Variants in ITGA9 observed in about 807,000 individuals in gnomAD.
ITGA9 encodes integrin subunit alpha 9, also known as integrin alpha-9.
In ITGA9, 56 loss-of-function variants were observed where a neutral mutation model predicts 127.8. The ratio of observed to expected loss-of-function variants is 0.44; its 90% CI spans 0.35 to 0.55. The LOEUF (loss-of-function observed/expected upper bound fraction) is 0.55, where lower values mean the gene tolerates loss of function less well. ITGA9 is among the 20% of genes least tolerant of loss of function. ITGA9 has a pLI of 0.00. For missense variants in ITGA9, 1,196 were observed against 1,347.1 expected, an observed-to-expected ratio of 0.89 and a Z score of 1.76; for synonymous variants, 508 against 514.5, an observed-to-expected ratio of 0.99 and a Z score of 0.17.
intron 13 of ITGA9, among the ~76,000 whole-genome samples, chr3:37,528,464 C>G (rs990121668): frequency 5.3e-5 from 8 of 152,112 alleles, no homozygotes; most frequent in Non-Finnish European, 1.2e-4. Flanking sequence ...GCATGGAAGG[C>G]CCAAGAAGAG....
At chr3:37,459,677 G>A (rs1012430973) in intron 1 of ITGA9, among the ~76,000 whole-genome samples, 1 of 152,164 alleles carries the variant, frequency 6.6e-6, no homozygotes, top group African/African-American at 2.4e-5. Context: ...TATTGCCCAA[G>A]TTACATGGCT....
At chr3:37,479,300 CAATATCA>C (rs1372205571) in intron 3 of ITGA9, among the ~76,000 whole-genome samples, 1 of 152,194 alleles carries the variant, frequency 6.6e-6, no homozygotes, top group African/African-American at 2.4e-5. Flanking sequence ...TAGCACAAAA[CAATATCA>C]AGGAGAGGAG....
chr3:37,699,414 T>G lies in ITGA9; in HGVS notation c.2067+15399T>G, dbSNP rs113976275. ...TAACTCCATCCTTCTTGGCTCTCCC[T>G]TTTCTCTCATACACCACATCTATTT... On this transcript the variant is annotated intron_variant, in intron 18 of 27. Coordinates refer to ENST00000264741, the MANE Select transcript of ITGA9 (RefSeq NM_002207.3). Among the ~76,000 whole-genome samples, 562 of 152,276 alleles carry G rather than the reference T, an allele frequency of 3.7e-3. 5 individuals carry two copies. Among genetic ancestry groups the G allele is most frequent in the African/African-American group, 0.013 (530 of 41,554 alleles).
intron 18 of ITGA9, among the ~76,000 whole-genome samples, chr3:37,701,061 G>C (rs990437763): frequency 6.6e-6 from 1 of 152,166 alleles, no homozygotes; most frequent in Non-Finnish European, 1.5e-5. Flanking sequence ...TGTGCCTTCA[G>C]GGGTGACAGA....
At position 37,704,327 on chromosome 3, in the gene ITGA9, C is replaced by T. The variant is rs557951350; in HGVS notation, c.2067+20312C>T. Among the ~76,000 whole-genome samples the T allele has an allele frequency of 3.9e-5, 6 of 152,284 alleles. No individual in the cohort carries two copies. The South Asian group carries it at 6.2e-4, about 16-fold the overall frequency. On this transcript the variant is annotated intron_variant, in intron 18 of 27. Coordinates refer to ENST00000264741, the MANE Select transcript of ITGA9 (RefSeq NM_002207.3). ...CTGGAATGAGCTTTCCTGAGGTGCC[C>T]GCGTGTCTCCACTCCAGGTCCTGGA...
chr3:37,470,642 G>A (rs563745209), intron 1 of ITGA9, among the ~76,000 whole-genome samples: 22 of 152,256 alleles, frequency 1.4e-4, no homozygotes, highest in South Asian at 8.3e-4. Flanking sequence ...TCCTGGGTAG[G>A]TGGGACTAAA....
intron 26 of ITGA9, among the ~76,000 whole-genome samples, chr3:37,797,277 T>C (rs1433874317): frequency 1.3e-5 from 2 of 152,014 alleles, no homozygotes; most frequent in Non-Finnish European, 2.9e-5. Context: ...ATTGAGGCTA[T>C]AGTATAGGTT....
At chr3:37,518,048 C>T (rs189715089) in intron 10 of ITGA9, among the ~76,000 whole-genome samples, 4 of 151,336 alleles carry the variant, frequency 2.6e-5, no homozygotes, top group East Asian at 1.9e-4. Flanking sequence ...CAGACATCTT[C>T]TGCCTGATTA....
At chr3:37,650,681 T>C (rs1161186589) in intron 16 of ITGA9, among the ~76,000 whole-genome samples, 1 of 152,148 alleles carries the variant, frequency 6.6e-6, no homozygotes, top group Non-Finnish European at 1.5e-5. Flanking sequence ...ATCACCCGCC[T>C]CAGCCTCCCA....
Position 37,672,249 on chromosome 3 carries a change from C to T in ITGA9, c.1917-11616C>T, listed in dbSNP as rs186877622. Among the ~76,000 whole-genome samples the T allele has an allele frequency of 2.3e-4, 34 of 148,536 alleles. No homozygotes were observed. The East Asian group carries it at 4.3e-3, about 19-fold the overall frequency. On this transcript the variant is annotated intron_variant, in intron 17 of 27. Coordinates refer to ENST00000264741, the MANE Select transcript of ITGA9 (RefSeq NM_002207.3). ...AAATCTCGTCTTGAATTGTAGCTCCCGTAATTCCCACATGTTGTGGCAGGA... is the reference window on the plus strand; with the variant it reads ...AAATCTCGTCTTGAATTGTAGCTCCTGTAATTCCCACATGTTGTGGCAGGA...
chr3:37,749,073 G>T, intron 22 of ITGA9: 1 of 319,548 alleles, frequency 3.1e-6, no homozygotes, highest in Non-Finnish European at 5.7e-6. Context: ...TTACAGTTCT[G>T]AAGAACAGAA....
At chr3:37,765,500 G>C (rs1696769842) in intron 23 of ITGA9, among the ~76,000 whole-genome samples, 1 of 152,050 alleles carries the variant, frequency 6.6e-6, no homozygotes, top group Non-Finnish European at 1.5e-5. Context: ...GCACATGTAT[G>C]AATGCAAGCT....
intron 16 of ITGA9, among the ~76,000 whole-genome samples, chr3:37,652,673 A>G (rs2125646985): frequency 6.6e-6 from 1 of 152,316 alleles, no homozygotes; most frequent in Non-Finnish European, 1.5e-5. Flanking sequence ...AATAACCTGG[A>G]ACTACATTTT....
intron 6 of ITGA9, 60 bp from the exon 7 acceptor site, chr3:37,505,940 T>G: frequency 8.3e-7 from 1 of 1,208,122 alleles, no homozygotes; most frequent in South Asian, 1.3e-5. Context: ...CTGATGGATG[T>G]TTTTTTTTCC....
At chr3:37,464,116 AGTGTGTGTGTGTGTGTGT>A (rs10603611) in intron 1 of ITGA9, among the ~76,000 whole-genome samples, 1 of 144,170 alleles carries the variant, frequency 6.9e-6, no homozygotes. Flanking sequence ...AGAAGGTGTG[AGTGTGTGTGTGTGTGTGT>A]GTGTGTGTGT....
chr3:37,677,376 G>A (rs1700691728), intron 17 of ITGA9, among the ~76,000 whole-genome samples: 1 of 152,168 alleles, frequency 6.6e-6, no homozygotes, highest in African/African-American at 2.4e-5. Flanking sequence ...AAAGAAGGTT[G>A]CCCATGAGAG....
At chr3:37,811,761 CT>C (rs1158009711) in intron 27 of ITGA9, among the ~76,000 whole-genome samples, 1 of 152,192 alleles carries the variant, frequency 6.6e-6, no homozygotes, top group Non-Finnish European at 1.5e-5. Flanking sequence ...TTGGCCAGCC[CT>C]ATGGCCATGT....
intron 17 of ITGA9, among the ~76,000 whole-genome samples, chr3:37,655,057 G>A (rs1447449957): frequency 3.9e-5 from 6 of 152,194 alleles, no homozygotes; most frequent in South Asian, 2.1e-4. Flanking sequence ...GTTCTATGGT[G>A]TATCTGTGCC....
chr3:37,704,925 T>C (rs540683668), intron 18 of ITGA9, among the ~76,000 whole-genome samples: 3 of 152,368 alleles, frequency 2.0e-5, no homozygotes, highest in African/African-American at 7.2e-5. Context: ...AAAAGCAATT[T>C]CTACCAGTAA....
Sources: gnomAD v4.1 joint callset for allele counts (sites outside exome capture counted in the v4.1 genomes callset) on GRCh38, gnomAD v4.1.1 for gene constraint, MANE v1.5 for transcripts, NCBI Gene and HGNC (gene_info 2026-07-23, HGNC 2026-07-21) for gene names.